CLEC16A: variants seen among roughly 807,000 people sequenced by gnomAD.
CLEC16A encodes C-type lectin domain containing 16A, also known as protein CLEC16A.
In CLEC16A, 51 loss-of-function variants were observed where a neutral mutation model predicts 109.5. The observed-to-expected ratio is 0.47, with a 90% confidence interval of 0.37 to 0.59. The LOEUF is 0.59. Among genes scored for constraint, CLEC16A ranks in the 20% least tolerant of loss-of-function variants. The pLI is 0.00. For missense variants in CLEC16A, 1,339 were observed against 1,394.0 expected, an observed-to-expected ratio of 0.96 and a Z score of 0.63; for synonymous variants, 673 against 564.2, an observed-to-expected ratio of 1.19 and a Z score of -2.73.
chr16:11,029,270 C>T (rs749261687), intron 13 of CLEC16A, among the ~76,000 whole-genome samples: 1 of 152,204 alleles, frequency 6.6e-6, no homozygotes, highest in African/African-American at 2.4e-5. Flanking sequence ...CTGGCCCCCC[C>T]AGTGTGAGCT....
chr16:11,151,872 C>T lies in CLEC16A; in HGVS notation c.2642-14516C>T, dbSNP rs2153079871. Among the ~76,000 whole-genome samples, 2 of 152,266 alleles carry T rather than the reference C, an allele frequency of 1.3e-5. 1 individual carries two copies. The highest frequency in any genetic ancestry group is 4.8e-5 in the African/African-American group (2 of 41,544). On this transcript the variant is annotated intron_variant, in intron 22 of 23. Coordinates refer to ENST00000409790, the MANE Select transcript of CLEC16A (RefSeq NM_015226.3). ...CTCTCTGGAGCCTTTCAAATGGAGCCAACTTTTGATAGCTTTTTAGGGTAG... is the reference window on the plus strand; with the variant it reads ...CTCTCTGGAGCCTTTCAAATGGAGCTAACTTTTGATAGCTTTTTAGGGTAG...
At chr16:10,965,054 G>C (rs1470647295) in intron 3 of CLEC16A, among the ~76,000 whole-genome samples, 1 of 152,168 alleles carries the variant, frequency 6.6e-6, no homozygotes, top group Non-Finnish European at 1.5e-5. Context: ...CTCCTCCCCA[G>C]TCCCTGGTAA....
chr16:11,114,449 C>G (rs2051830265), intron 19 of CLEC16A, among the ~76,000 whole-genome samples: 1 of 152,098 alleles, frequency 6.6e-6, no homozygotes, highest in African/African-American at 2.4e-5. Context: ...CTTGCCATGG[C>G]CACTCCTGAG....
At chr16:11,047,999 T>C (rs915364621) in intron 17 of CLEC16A, 6 of 152,272 alleles carry the variant, frequency 3.9e-5, no homozygotes, top group Admixed American at 2.6e-4. Context: ...TACCGGCACA[T>C]GGTTCTGCCC....
chr16:11,126,273 C>G (rs1394117448), intron 22 of CLEC16A, 127 bp downstream of exon 22: 6 of 1,552,068 alleles, frequency 3.9e-6, no homozygotes, highest in Admixed American at 3.9e-5. Flanking sequence ...GCAGCACCAG[C>G]TTCTTAGAAT....
Position 11,180,510 on chromosome 16 carries a change from G to A in CLEC16A, c.*1820G>A, listed in dbSNP as rs2068923979. The A allele has an allele frequency of 6.6e-6, 1 of 152,648 alleles. No individual in the cohort carries two copies. The highest frequency in any genetic ancestry group is 1.5e-5 in the Non-Finnish European group (1 of 68,328). 9.5% of individuals were successfully genotyped at this position (152,648 alleles called of 1,614,324 possible). On this transcript the variant is annotated 3_prime_UTR_variant, in exon 24 of 24. Transcript: ENST00000409790. ...GTGGAGCGGGGGGAAGACCATCATG[G>A]AGAGAAGGACCACAGCATCAGGAGA... is the stretch of plus-strand genomic sequence containing the variant.
intron 10 of CLEC16A, among the ~76,000 whole-genome samples, chr16:11,000,790 A>G (rs186876209): frequency 7.8e-4 from 119 of 152,318 alleles, no homozygotes; most frequent in African/African-American, 2.6e-3. Flanking sequence ...TCACCTTTCA[A>G]TTAGGTTTTG....
intron 1 of CLEC16A, among the ~76,000 whole-genome samples, chr16:10,953,436 C>G (rs1465392105): frequency 6.6e-6 from 1 of 152,212 alleles, no homozygotes. Flanking sequence ...AAGTAAAAAG[C>G]ATTTCCTTAT....
At chr16:11,042,216 C>A in intron 14 of CLEC16A, 38 bp from the exon 15 acceptor site, 1 of 1,498,426 alleles carries the variant, frequency 6.7e-7, no homozygotes, top group East Asian at 2.5e-5. Context: ...GGGCGCCCCA[C>A]CCTGGGTGTG....
At chr16:11,070,549 C>G (rs1189805740) in intron 19 of CLEC16A, 1 of 152,174 alleles carries the variant, frequency 6.6e-6, no homozygotes, top group Non-Finnish European at 1.5e-5. Context: ...AGTCTCTTGC[C>G]CAGTCACTTG....
intron 19 of CLEC16A, among the ~76,000 whole-genome samples, chr16:11,063,932 G>A (rs1352190171): frequency 6.6e-6 from 1 of 151,678 alleles, no homozygotes; most frequent in African/African-American, 2.4e-5. Flanking sequence ...GAGAGAGGAA[G>A]GGAGGGAGGG....
intron 11 of CLEC16A, among the ~76,000 whole-genome samples, chr16:11,005,887 G>T (rs1461364105): frequency 1.3e-5 from 2 of 152,124 alleles, no homozygotes; most frequent in African/African-American, 4.8e-5. Context: ...GTGTGTCTTG[G>T]ATGGCCTCTT....
At chr16:11,032,820 G>A (rs984565679) in intron 13 of CLEC16A, among the ~76,000 whole-genome samples, 4 of 152,214 alleles carry the variant, frequency 2.6e-5, no homozygotes, top group South Asian at 2.1e-4. Context: ...CTGGCCAGGC[G>A]GGCAGGGGCC....
intron 19 of CLEC16A, among the ~76,000 whole-genome samples, chr16:11,092,594 TTTCC>T (rs2050377043): frequency 6.6e-6 from 1 of 152,214 alleles, no homozygotes; most frequent in South Asian, 2.1e-4. Flanking sequence ...CTTGCAGGCA[TTTCC>T]AGCATTTCCT....
At chr16:11,168,588 C>T (rs1336018650) in intron 23 of CLEC16A, among the ~76,000 whole-genome samples, 1 of 152,244 alleles carries the variant, frequency 6.6e-6, no homozygotes, top group Non-Finnish European at 1.5e-5. Flanking sequence ...TTACAGATGC[C>T]TCAGGATGCA....
At chr16:10,953,853 T>C (rs967866885) in intron 1 of CLEC16A, among the ~76,000 whole-genome samples, 4 of 151,912 alleles carry the variant, frequency 2.6e-5, no homozygotes, top group Non-Finnish European at 5.9e-5. Context: ...GGCGGGCGCC[T>C]GTAGTCCCAG....
chr16:11,106,563 G>A (rs1034228115), intron 19 of CLEC16A, among the ~76,000 whole-genome samples: 3 of 150,068 alleles, frequency 2.0e-5, no homozygotes, highest in African/African-American at 4.9e-5. Context: ...TCTTAGTGCT[G>A]TAGCCTCAAA....
intron 22 of CLEC16A, among the ~76,000 whole-genome samples, chr16:11,128,735 C>T (rs527526548): frequency 6.6e-6 from 1 of 152,134 alleles, no homozygotes; most frequent in Non-Finnish European, 1.5e-5. Flanking sequence ...GGGTCCCCCA[C>T]AGCAGCAGCC....
chr16:11,097,088 A>C (rs1012041811), intron 19 of CLEC16A, among the ~76,000 whole-genome samples: 1 of 152,090 alleles, frequency 6.6e-6, no homozygotes. Flanking sequence ...AGTCCTCCCC[A>C]CCCCAAGTTT....
Sources: allele counts gnomAD v4.1 joint callset (sites outside exome capture counted in the v4.1 genomes callset), GRCh38; gene constraint gnomAD v4.1.1; transcripts MANE v1.5; gene names NCBI Gene and HGNC (gene_info 2026-07-23, HGNC 2026-07-21).